LRP2: variants seen among roughly 807,000 people sequenced by gnomAD.
LRP2 encodes the protein low-density lipoprotein receptor-related protein 2.
LRP2 carries 172 observed loss-of-function variants against 531.0 expected under a neutral mutation model. The observed-to-expected ratio is 0.32, with a 90% confidence interval of 0.29 to 0.37. The LOEUF (loss-of-function observed/expected upper bound fraction) is 0.37, where lower values mean the gene tolerates loss of function less well. Ranked by LOEUF, LRP2 falls within the 10% of genes least tolerant of loss-of-function variation. The probability of loss-of-function intolerance (pLI) is 1.00; values close to 1 mark genes in which losing one functional copy is unlikely to be tolerated. For synonymous variants in LRP2, 1,992 were observed against 2,027.6 expected (o/e 0.98, Z 0.47); for missense variants, 5,167 against 5,868.3 (o/e 0.88, Z 3.90).
intron 16 of LRP2, among the ~76,000 whole-genome samples, chr2:169,261,341 T>C (rs541310379): frequency 6.6e-6 from 1 of 152,124 alleles, no homozygotes; most frequent in Non-Finnish European, 1.5e-5. Context: ...GATTTCTTTT[T>C]CTTTTTCTTT....
chr2:169,223,766 G>A (rs1689101345), intron 33 of LRP2, among the ~76,000 whole-genome samples: 2 of 152,028 alleles, frequency 1.3e-5, no homozygotes, highest in South Asian at 4.2e-4. Flanking sequence ...GCCTCCAAGG[G>A]GCCCTTCATG....
chr2:169,263,853 C>T (rs1690675160), intron 16 of LRP2, among the ~76,000 whole-genome samples: 1 of 151,944 alleles, frequency 6.6e-6, no homozygotes, highest in African/African-American at 2.4e-5. Flanking sequence ...ACCCAAATGT[C>T]CAACAATGAT....
intron 62 of LRP2, among the ~76,000 whole-genome samples, chr2:169,164,301 T>C (rs910019398): frequency 6.6e-6 from 1 of 152,216 alleles, no homozygotes; most frequent in African/African-American, 2.4e-5. Context: ...CTGGAACTGA[T>C]TGAGTGGCTA....
At chr2:169,345,702 A>G (rs1685676181) in intron 1 of LRP2, among the ~76,000 whole-genome samples, 1 of 151,972 alleles carries the variant, frequency 6.6e-6, no homozygotes, top group Non-Finnish European at 1.5e-5. Flanking sequence ...ACAGATAGAA[A>G]AATGGAGGTT....
At chr2:169,256,848 T>A (rs756184524) in intron 18 of LRP2, among the ~76,000 whole-genome samples, 8 of 152,116 alleles carry the variant, frequency 5.3e-5, no homozygotes, top group Non-Finnish European at 8.8e-5. Flanking sequence ...TCCCCCATCT[T>A]GAGTTTCCAC....
chr2:169,193,315 C>G (rs1348286971), intron 47 of LRP2, among the ~76,000 whole-genome samples: 1 of 151,024 alleles, frequency 6.6e-6, no homozygotes, highest in Non-Finnish European at 1.5e-5. Flanking sequence ...CGTATGGTCC[C>G]AACTACTTGG....
intron 30 of LRP2, 109 bp downstream of exon 30, chr2:169,233,302 G>T: frequency 1.6e-6 from 2 of 1,253,510 alleles, no homozygotes; most frequent in Non-Finnish European, 2.3e-6. Context: ...AAGAGAAAAG[G>T]AAAATGTATT....
In LRP2 at chr2:169,202,686, G is replaced by A. The variant is rs1688241650; in HGVS notation, c.8209+70C>T. On this transcript the variant is annotated intron_variant, in intron 43 of 78. Transcript: ENST00000649046. ...TTTCAAACACATTCACACATAGCAGGATTCCATACCAAACACTTGACATCA... is the reference window on the plus strand; with the variant it reads ...TTTCAAACACATTCACACATAGCAGAATTCCATACCAAACACTTGACATCA... 38 of 1,479,296 alleles carry A rather than the reference G, an allele frequency of 2.6e-5. No individual in the cohort carries two copies. In the South Asian group the frequency reaches 4.3e-4, roughly 17 times the overall value. 91.6% of individuals were successfully genotyped at this position (1,479,296 alleles called of 1,614,324 possible).
At position 169,181,455 on chromosome 2, in the gene LRP2, A is replaced by G; in HGVS notation, c.10162T>C (p.Tyr3388His). Residue 3388 changes from tyrosine to histidine, a missense_variant, in exon 52 of 79, where the codon TAC becomes CAC. Tyr to His is a moderately conservative substitution (Grantham distance 83). This residue lies in a region of LRP2 where 1,129 missense variants were observed against 1,362.7 expected (regional missense o/e 0.83). Transcript: ENST00000649046. ...LLYWADAHLG[Y>H]IEYSDLEGHH... is the part of the protein sequence containing the mutation. ...GCTTTTCTATGTACGTACTCTATGT[A>G]ACCCAGGTGGGCATCTGCCCAGTAG... 1 of 1,614,016 alleles carries G rather than the reference A, an allele frequency of 6.2e-7. No homozygotes were observed. The highest frequency in any genetic ancestry group is 8.5e-7 in the Non-Finnish European group (1 of 1,179,832).
intron 47 of LRP2, among the ~76,000 whole-genome samples, chr2:169,192,729 G>A (rs2105312362): frequency 6.6e-6 from 1 of 152,318 alleles, no homozygotes; most frequent in South Asian, 2.1e-4. Flanking sequence ...CTCATTGCAG[G>A]TGAATAGGAA....
At chr2:169,298,208 C>G (rs1221097069) in intron 4 of LRP2, among the ~76,000 whole-genome samples, 1 of 151,884 alleles carries the variant, frequency 6.6e-6, no homozygotes, top group Non-Finnish European at 1.5e-5. Flanking sequence ...TCATCATCAT[C>G]ATCATCATCA....
At chr2:169,212,646 T>C (rs1318312377) in intron 36 of LRP2, among the ~76,000 whole-genome samples, 1 of 152,096 alleles carries the variant, frequency 6.6e-6, no homozygotes, top group Non-Finnish European at 1.5e-5. Flanking sequence ...TGGAGACTAT[T>C]ATTCAAAGTG....
rs202004771 is a variant in LRP2 at position 169,352,820 on chromosome 2, G to T, written c.79+9501C>A. On this transcript the variant is annotated intron_variant, in intron 1 of 78. Transcript: ENST00000649046. ...GAACAATGAGAACACATGGTCACAG[G>T]GGGGGGAACATCACACACAGAGAGG... Among the ~76,000 whole-genome samples, 25 of 151,684 alleles carry T rather than the reference G, an allele frequency of 1.6e-4. No homozygotes were observed. In the East Asian group the frequency reaches 3.9e-3, roughly 24 times the overall value.
chr2:169,302,897 G>A (rs1684320692), intron 4 of LRP2, among the ~76,000 whole-genome samples: 2 of 152,070 alleles, frequency 1.3e-5, no homozygotes, highest in Admixed American at 1.3e-4. Context: ...AAAATAACAA[G>A]ATGATTGGGG....
intron 44 of LRP2, among the ~76,000 whole-genome samples, chr2:169,200,596 A>G (rs1280194363): frequency 2.0e-5 from 3 of 152,224 alleles, no homozygotes; most frequent in Non-Finnish European, 1.5e-5. Flanking sequence ...AAGATCAAAG[A>G]GTTCAATATA....
At chr2:169,353,573 G>A (rs1685910560) in intron 1 of LRP2, among the ~76,000 whole-genome samples, 2 of 152,154 alleles carry the variant, frequency 1.3e-5, no homozygotes, top group Non-Finnish European at 2.9e-5. Context: ...AATTAAACCA[G>A]TGTGGAAGTA....
intron 1 of LRP2, among the ~76,000 whole-genome samples, chr2:169,349,347 G>C (rs1279036247): frequency 6.6e-6 from 1 of 152,102 alleles, no homozygotes; most frequent in Non-Finnish European, 1.5e-5. Context: ...TAGGAAAAAG[G>C]GGGGCAAGTG....
intron 4 of LRP2, among the ~76,000 whole-genome samples, chr2:169,297,457 T>G (rs1320123348): frequency 6.6e-6 from 1 of 152,128 alleles, no homozygotes. Flanking sequence ...CCTTCTGAAT[T>G]TGGTTTTAAT....
At position 169,192,844 on chromosome 2, in the gene LRP2, A is replaced by T. The variant is rs191081960; in HGVS notation, c.8831-811T>A. ...CCACCCATGTCAGTGGATAGGGTGG[A>T]TAGGGTAAATGTGGAGTTGTGACCC... On this transcript the variant is annotated intron_variant, in intron 47 of 78. Transcript: ENST00000649046. Among the ~76,000 whole-genome samples the T allele has an allele frequency of 7.4e-3, 1,126 of 152,286 alleles. 4 individuals are homozygous for T. The highest frequency in any genetic ancestry group is 0.031 in the Middle Eastern group (9 of 294).
Sources: gnomAD v4.1 joint callset for allele counts (sites outside exome capture counted in the v4.1 genomes callset) on GRCh38, gnomAD v4.1.1 for gene constraint, gnomAD v4.1.1 regional missense constraint, MANE v1.5 for transcripts, NCBI Gene and HGNC (gene_info 2026-07-23, HGNC 2026-07-21) for gene names.